The following AFF2 variants were observed in gnomAD, a reference collection of about 807,000 sequenced individuals.
AFF2 encodes the protein ALF transcription elongation factor 2, also known as AF4/FMR2 family member 2.
AFF2 carries 14 observed loss-of-function variants against 76.9 expected under a neutral mutation model. That is an observed-to-expected ratio of 0.18 (90% CI 0.12 to 0.28). The LOEUF (loss-of-function observed/expected upper bound fraction) is 0.28, where lower values mean the gene tolerates loss of function less well. AFF2 is among the 10% of genes least tolerant of loss of function. AFF2 has a pLI of 1.00. For missense variants in AFF2, 868 were observed against 1,001.1 expected (o/e 0.87, Z 1.79); for synonymous variants, 398 against 366.7 (o/e 1.09, Z -0.98).
chrX:148,971,285 C>G (rs1336381737), intron 15 of AFF2, among the ~76,000 whole-genome samples: 3 of 102,985 alleles, frequency 2.9e-5, no homozygotes, highest in Non-Finnish European at 5.9e-5. Context: ...AAAACAGTTG[C>G]AGACATGTCA....
intron 3 of AFF2, among the ~76,000 whole-genome samples, chrX:148,784,029 A>G (rs1360508281): frequency 8.9e-6 from 1 of 111,882 alleles, no homozygotes; most frequent in Non-Finnish European, 1.9e-5. Context: ...CCACAGCCCA[A>G]CTGGTTTTGC....
At chrX:148,787,241 C>G (rs1164370598) in intron 3 of AFF2, among the ~76,000 whole-genome samples, 4 of 111,338 alleles carry the variant, frequency 3.6e-5, no homozygotes, top group African/African-American at 1.3e-4. Context: ...AATTAATGCA[C>G]TGGTTTGGAA....
At chrX:148,661,571 G>A (rs1557257709) in intron 2 of AFF2, among the ~76,000 whole-genome samples, 1 of 111,948 alleles carries the variant, frequency 8.9e-6, no homozygotes, top group African/African-American at 3.2e-5. Context: ...AATGTAGAAT[G>A]TAGCAATTCA....
intron 9 of AFF2, among the ~76,000 whole-genome samples, chrX:148,929,558 G>A (rs2071689325): frequency 8.9e-6 from 1 of 111,949 alleles, no homozygotes; most frequent in African/African-American, 3.3e-5. Context: ...TTAGACCGGT[G>A]TTCTTGTCAT....
At chrX:148,759,476 C>G (rs1557267132) in intron 3 of AFF2, among the ~76,000 whole-genome samples, 1 of 111,893 alleles carries the variant, frequency 8.9e-6, no homozygotes, top group African/African-American at 3.2e-5. Flanking sequence ...AGAATGAGTT[C>G]AAGGATTATT....
chrX:148,927,029 T>A (rs1477179655), intron 9 of AFF2, among the ~76,000 whole-genome samples: 2 of 112,260 alleles, frequency 1.8e-5, no homozygotes, highest in Non-Finnish European at 3.8e-5. Context: ...GTGTTTGAGG[T>A]TTTTTATGAA....
intron 3 of AFF2, among the ~76,000 whole-genome samples, chrX:148,673,599 A>G (rs1189789800): frequency 2.7e-5 from 3 of 112,004 alleles, no homozygotes; most frequent in African/African-American, 9.7e-5. Flanking sequence ...TGTATCCAAA[A>G]AGGTCACATT....
At chrX:148,572,060 CTG>C (rs1557242620) in intron 1 of AFF2, among the ~76,000 whole-genome samples, 6 of 93,715 alleles carry the variant, frequency 6.4e-5, no homozygotes, top group Admixed American at 1.2e-4. Flanking sequence ...AAAAAAAAAA[CTG>C]TTACAAAATA....
In AFF2 at chrX:148,917,290, C is replaced by T. The variant is rs190429783; in HGVS notation, c.1397+13032C>T. On this transcript the variant is annotated intron_variant, in intron 9 of 20. Coordinates refer to ENST00000370460, the MANE Select transcript of AFF2 (RefSeq NM_002025.4). ...AGAGGAGGCACAGGAGTGAAGATGT[C>T]GGCCTCCCTATGAATGGGGGTTAGT... 5.1e-4 allele frequency among the ~76,000 whole-genome samples: 57 copies of T among 111,925 alleles called. No homozygotes were observed. In the East Asian group the frequency reaches 0.013, roughly 25 times the overall value.
chrX:148,696,544 A>G (rs900269961), intron 3 of AFF2, among the ~76,000 whole-genome samples: 2 of 112,006 alleles, frequency 1.8e-5, no homozygotes, highest in Non-Finnish European at 3.8e-5. Flanking sequence ...AATGTGCACC[A>G]TTCTAGCAGA....
intron 3 of AFF2, among the ~76,000 whole-genome samples, chrX:148,808,656 G>T (rs1557271533): frequency 8.9e-6 from 1 of 111,796 alleles, no homozygotes; most frequent in Non-Finnish European, 1.9e-5. Flanking sequence ...CTTCATTATT[G>T]GTGACTGTCT....
chrX:148,787,687 G>A (rs1173906266), intron 3 of AFF2, among the ~76,000 whole-genome samples: 5 of 112,013 alleles, frequency 4.5e-5, no homozygotes, highest in Non-Finnish European at 9.4e-5. Flanking sequence ...GGCTTAATGT[G>A]CATTATTTGC....
chrX:148,939,640 T>G (rs1418396380), intron 9 of AFF2, among the ~76,000 whole-genome samples: 4 of 112,269 alleles, frequency 3.6e-5, no homozygotes, highest in Non-Finnish European at 7.5e-5. Flanking sequence ...TAACATTATT[T>G]TTAAATTAAT....
chrX:148,773,581 G>A (rs781823509), intron 3 of AFF2, among the ~76,000 whole-genome samples: 1 of 105,377 alleles, frequency 9.5e-6, no homozygotes, highest in Non-Finnish European at 1.9e-5. Context: ...AAATGCAAAC[G>A]ATGAGTATGC....
At chrX:148,882,112 T>C (rs1180567898) in intron 7 of AFF2, among the ~76,000 whole-genome samples, 1 of 111,532 alleles carries the variant, frequency 9.0e-6, no homozygotes, top group African/African-American at 3.3e-5. Context: ...AGCATTCCAC[T>C]ATGTAAATTG....
At chrX:148,974,996 A>T (rs947241525) in intron 16 of AFF2, among the ~76,000 whole-genome samples, 2 of 112,401 alleles carry the variant, frequency 1.8e-5, no homozygotes, top group East Asian at 5.6e-4. Context: ...CTCTCTATTC[A>T]TTCAAAAATG....
intron 1 of AFF2, among the ~76,000 whole-genome samples, chrX:148,515,174 G>A (rs1327281473): frequency 8.9e-6 from 1 of 111,950 alleles, no homozygotes; most frequent in Admixed American, 9.5e-5. Flanking sequence ...CTGGAAAAAA[G>A]GGAGGAAATA....
intron 1 of AFF2, among the ~76,000 whole-genome samples, chrX:148,627,899 AGGTGTCTTTTATGTAGATTTG>A (rs1208117155): frequency 8.9e-6 from 1 of 112,041 alleles, no homozygotes; most frequent in Non-Finnish European, 1.9e-5. Context: ...GGGGTATCAC[AGGTGTCTTTTATGTAGATTTG>A]GGTGTCTTTT....
At chrX:148,779,045 T>C (rs782309305) in intron 3 of AFF2, among the ~76,000 whole-genome samples, 1 of 111,700 alleles carries the variant, frequency 9.0e-6, no homozygotes, top group South Asian at 3.8e-4. Flanking sequence ...ACATTGTGTC[T>C]TTGTTCTCAT....
Sources: allele counts gnomAD v4.1 joint callset (sites outside exome capture counted in the v4.1 genomes callset), GRCh38; gene constraint gnomAD v4.1.1; transcripts MANE v1.5; gene names NCBI Gene and HGNC (gene_info 2026-07-23, HGNC 2026-07-21).